The following DISC1 variants were observed in gnomAD, a reference collection of about 807,000 sequenced individuals.
DISC1 encodes disrupted in schizophrenia 1 protein.
Under a neutral mutation model 84.5 loss-of-function variants are expected in DISC1, and 57 were observed. That is an observed-to-expected ratio of 0.67 (90% CI 0.55 to 0.84). The LOEUF is 0.84. Ranked by LOEUF, DISC1 falls within the 40% of genes least tolerant of loss-of-function variation. The pLI is 0.00. For synonymous variants in DISC1, 411 were observed against 415.2 expected (o/e 0.99, Z 0.12); for missense variants, 1,000 against 1,057.8 (o/e 0.95, Z 0.76).
intron 10 of DISC1, among the ~76,000 whole-genome samples, chr1:232,005,256 T>A (rs1368263988): frequency 6.6e-6 from 1 of 152,122 alleles, no homozygotes; most frequent in Non-Finnish European, 1.5e-5. Flanking sequence ...GAAGTCCCAT[T>A]ATGCCTCTCA....
At chr1:231,791,927 C>T (rs2078380771) in intron 6 of DISC1, among the ~76,000 whole-genome samples, 1 of 152,160 alleles carries the variant, frequency 6.6e-6, no homozygotes, top group Non-Finnish European at 1.5e-5. Context: ...CTAGGCCAGA[C>T]ACCCCACTTC....
intron 3 of DISC1, among the ~76,000 whole-genome samples, chr1:231,716,200 C>A (rs1336644492): frequency 6.6e-6 from 1 of 151,802 alleles, no homozygotes; most frequent in Non-Finnish European, 1.5e-5. Flanking sequence ...TCTGAAAAAT[C>A]TCCCTGCCAG....
intron 3 of DISC1, among the ~76,000 whole-genome samples, chr1:231,728,686 T>C (rs201227625): frequency 6.6e-6 from 1 of 152,232 alleles, no homozygotes; most frequent in Non-Finnish European, 1.5e-5. Context: ...TCTGTTACTA[T>C]TGCATTTTTG....
chr1:231,919,250 T>C (rs2089846956), intron 9 of DISC1, among the ~76,000 whole-genome samples: 1 of 152,240 alleles, frequency 6.6e-6, no homozygotes, highest in Admixed American at 6.5e-5. Context: ...TAAAACAGCT[T>C]TGACAATAAG....
chr1:231,958,024 TA>T (rs1659821575), intron 9 of DISC1, among the ~76,000 whole-genome samples: 1 of 152,160 alleles, frequency 6.6e-6, no homozygotes, highest in Admixed American at 6.6e-5. Context: ...ATAATACTAG[TA>T]ATAGACATGG....
intron 6 of DISC1, among the ~76,000 whole-genome samples, chr1:231,788,007 G>A (rs1425459389): frequency 6.6e-6 from 1 of 152,226 alleles, no homozygotes; most frequent in African/African-American, 2.4e-5. Flanking sequence ...AATCAGCCGG[G>A]CGCAGTGGCT....
intron 1 of DISC1, among the ~76,000 whole-genome samples, chr1:231,663,405 C>T (rs1377357793): frequency 1.3e-5 from 2 of 152,204 alleles, no homozygotes; most frequent in African/African-American, 4.8e-5. Flanking sequence ...TCCAGCCTCT[C>T]TCATGATTTC....
At chr1:231,815,305 A>G (rs1457068397) in intron 8 of DISC1, 1 of 152,080 alleles carries the variant, frequency 6.6e-6, no homozygotes, top group Non-Finnish European at 1.5e-5. Flanking sequence ...CAGTCTCATC[A>G]CTCAAGAAAC....
At chr1:231,835,446 G>A (rs1456154620) in intron 9 of DISC1, among the ~76,000 whole-genome samples, 1 of 152,132 alleles carries the variant, frequency 6.6e-6, no homozygotes, top group Non-Finnish European at 1.5e-5. Context: ...GGGTCACAAG[G>A]TGCTCAGTAG....
intron 11 of DISC1, among the ~76,000 whole-genome samples, chr1:232,011,181 T>C (rs1020758449): frequency 6.6e-6 from 1 of 152,156 alleles, no homozygotes; most frequent in African/African-American, 2.4e-5. Context: ...TAAGCACCTG[T>C]CAATTTCACT....
intron 9 of DISC1, among the ~76,000 whole-genome samples, chr1:231,869,887 T>C (rs754212639): frequency 2.0e-5 from 3 of 152,082 alleles, no homozygotes; most frequent in Non-Finnish European, 4.4e-5. Context: ...TCAGCAGTCA[T>C]ATTTTTTTCT....
chr1:231,956,928 G>A (rs1006714551), intron 9 of DISC1, among the ~76,000 whole-genome samples: 16 of 152,170 alleles, frequency 1.1e-4, no homozygotes, highest in Non-Finnish European at 1.3e-4. Context: ...AGAGAGCCAC[G>A]CAGAAACTGG....
intron 1 of DISC1, among the ~76,000 whole-genome samples, chr1:231,655,932 C>T (rs2061026628): frequency 6.6e-6 from 1 of 152,060 alleles, no homozygotes; most frequent in Admixed American, 6.6e-5. Context: ...CATTTGCCCA[C>T]TTTTTAAAGG....
intron 1 of DISC1, among the ~76,000 whole-genome samples, chr1:231,653,401 GGCC>G (rs1187617680): frequency 2.6e-5 from 4 of 152,198 alleles, no homozygotes; most frequent in Non-Finnish European, 5.9e-5. Flanking sequence ...AGGTTGCCCT[GGCC>G]CTTGCTGCTT....
chr1:231,940,930 G>A (rs2091293694), intron 9 of DISC1: 1 of 152,218 alleles, frequency 6.6e-6, no homozygotes, highest in Non-Finnish European at 1.5e-5. Context: ...CTTTCCAGCT[G>A]ACATGTTCCT....
chr1:231,672,270 C>A (rs985962605), intron 1 of DISC1, among the ~76,000 whole-genome samples: 1 of 152,028 alleles, frequency 6.6e-6, no homozygotes, highest in Non-Finnish European at 1.5e-5. Flanking sequence ...AGTACTAGAT[C>A]CTGACTGATT....
intron 9 of DISC1, among the ~76,000 whole-genome samples, chr1:231,824,276 T>C (rs1191914515): frequency 6.6e-6 from 1 of 152,130 alleles, no homozygotes; most frequent in Non-Finnish European, 1.5e-5. Context: ...ATATGGGAAA[T>C]AGATATGTGT....
At chr1:232,021,367 CACACACAA>C (rs1298819549) in intron 11 of DISC1, among the ~76,000 whole-genome samples, 1 of 135,820 alleles carries the variant, frequency 7.4e-6, no homozygotes, top group East Asian at 2.0e-4. Flanking sequence ...CACACACACA[CACACACAA>C]CCCTCAGAAT....
At chr1:231,945,421 A>G (rs1263690782) in intron 9 of DISC1, among the ~76,000 whole-genome samples, 3 of 152,244 alleles carry the variant, frequency 2.0e-5, no homozygotes, top group African/African-American at 7.2e-5. Context: ...CAATGAGAAC[A>G]AAGACACAAC....
Sources: gnomAD v4.1 joint callset for allele counts (sites outside exome capture counted in the v4.1 genomes callset) on GRCh38, gnomAD v4.1.1 for gene constraint, MANE v1.5 for transcripts, NCBI Gene and HGNC (gene_info 2026-07-23, HGNC 2026-07-21) for gene names.